AP1S3: variants seen among roughly 807,000 people sequenced by gnomAD.
AP1S3 encodes adaptor related protein complex 1 subunit sigma 3, also known as AP-1 complex subunit sigma-3.
In AP1S3, 10 loss-of-function variants were observed where a neutral mutation model predicts 20.9. The observed-to-expected ratio is 0.48, with a 90% CI of 0.29 to 0.81. AP1S3 has a LOEUF of 0.81. Ranked by LOEUF, AP1S3 falls within the 30% of genes least tolerant of loss-of-function variation. The pLI is 0.08. For synonymous variants in AP1S3, 41 were observed against 61.5 expected (o/e 0.67, Z 1.56); for missense variants, 154 against 183.8 (o/e 0.84, Z 0.94).
At chr2:223,792,248 C>T (rs1220976543) in intron 1 of AP1S3, among the ~76,000 whole-genome samples, 1 of 152,020 alleles carries the variant, frequency 6.6e-6, no homozygotes, top group Admixed American at 6.6e-5. Context: ...AACTATACTA[C>T]AAGGCTACTA....
intron 1 of AP1S3, among the ~76,000 whole-genome samples, chr2:223,827,904 C>CAA: frequency 6.6e-6 from 1 of 151,046 alleles, no homozygotes; most frequent in East Asian, 2.0e-4. Flanking sequence ...ACTTAAAATA[C>CAA]AAAAATTAGC....
At chr2:223,763,475 C>A (rs1163646043) in intron 4 of AP1S3, among the ~76,000 whole-genome samples, 1 of 147,924 alleles carries the variant, frequency 6.8e-6, no homozygotes, top group Non-Finnish European at 1.5e-5. Flanking sequence ...CAGTCAGGAC[C>A]CTGAGGTCCT....
chr2:223,814,683 T>C (rs1691805279), intron 1 of AP1S3, among the ~76,000 whole-genome samples: 2 of 152,200 alleles, frequency 1.3e-5, no homozygotes, highest in African/African-American at 2.4e-5. Context: ...TCAATCAAAA[T>C]GAGGTTTGCA....
intron 1 of AP1S3, among the ~76,000 whole-genome samples, chr2:223,783,844 T>C (rs1016385087): frequency 2.1e-4 from 32 of 152,346 alleles, no homozygotes; most frequent in African/African-American, 7.2e-4. Flanking sequence ...ACTCAGGCTG[T>C]GATTGGCCCA....
chr2:223,820,644 T>C (rs28398161), intron 1 of AP1S3, among the ~76,000 whole-genome samples: 46,135 of 145,226 alleles, frequency 0.32, 7,785 homozygotes, highest in Middle Eastern at 0.42. Context: ...TAGGAAATGA[T>C]GATTCAGTGA....
At chr2:223,821,005 C>A (rs1421818126) in intron 1 of AP1S3, among the ~76,000 whole-genome samples, 1 of 152,180 alleles carries the variant, frequency 6.6e-6, no homozygotes, top group South Asian at 2.1e-4. Context: ...TCCCTATACA[C>A]CGTGAGCCTC....
intron 1 of AP1S3, among the ~76,000 whole-genome samples, chr2:223,826,881 A>G (rs994843338): frequency 1.3e-5 from 2 of 152,012 alleles, no homozygotes; most frequent in South Asian, 2.1e-4. Context: ...TAAACTCAAC[A>G]CCCTGCATGG....
chr2:223,825,342 A>G (rs1574730569), intron 1 of AP1S3, among the ~76,000 whole-genome samples: 1 of 151,294 alleles, frequency 6.6e-6, no homozygotes, highest in East Asian at 1.9e-4. Context: ...ACAGTTCCTC[A>G]TGGTCGACCT....
Position 223,756,972 on chromosome 2 carries a change from C to T in AP1S3, c.*1743G>A. ...TAGCAGGCAGCAAGACAGAATACTA[C>T]AAGCTTTTACTTTTTCTTTTTTTTT... is the stretch of plus-strand genomic sequence containing the variant. On this transcript the variant is annotated 3_prime_UTR_variant, in exon 5 of 5. Coordinates refer to ENST00000396654, the MANE Select transcript of AP1S3 (RefSeq NM_001039569.2). The T allele has an allele frequency of 1.0e-6, 1 of 982,218 alleles. No homozygotes were observed. Among genetic ancestry groups the T allele is most frequent in the Non-Finnish European group, 1.2e-6 (1 of 827,538 alleles). The allele number at this position is 982,218 out of a possible 1,614,324, so 60.8% of individuals were successfully genotyped here.
At position 223,756,507 on chromosome 2, in the gene AP1S3, C is replaced by T; in HGVS notation, c.*2208G>A. On this transcript the variant is annotated 3_prime_UTR_variant, in exon 5 of 5. Coordinates refer to ENST00000396654, the MANE Select transcript of AP1S3 (RefSeq NM_001039569.2). Reference sequence around the variant, plus strand: ...GAAAAAAAGAAAGAAAAAATTCTAACACATTAAAAAGTTAAACCACAAAAC... The same window carrying T: ...GAAAAAAAGAAAGAAAAAATTCTAATACATTAAAAAGTTAAACCACAAAAC... 1.0e-6 allele frequency: 1 copy of T among 972,750 alleles called. No individual in the cohort carries two copies. The highest frequency in any genetic ancestry group is 1.2e-6 in the Non-Finnish European group (1 of 825,220). The allele number at this position is 972,750 out of a possible 1,614,324, so 60.3% of individuals were successfully genotyped here. A position where few individuals can be genotyped will look rare whatever the true frequency, so the allele number is the denominator to read the frequency against.
chr2:223,773,498 A>T, intron 3 of AP1S3: 1 of 831,490 alleles, frequency 1.2e-6, no homozygotes, highest in South Asian at 1.8e-5. Flanking sequence ...TACCAAGAGG[A>T]GAAAGAAAAG....
intron 1 of AP1S3, among the ~76,000 whole-genome samples, chr2:223,780,182 C>T (rs1240891287): frequency 1.3e-5 from 2 of 150,542 alleles, no homozygotes; most frequent in African/African-American, 2.5e-5. Context: ...AGTGCAGTGG[C>T]TCACTGCGGC....
intron 3 of AP1S3, among the ~76,000 whole-genome samples, chr2:223,768,120 T>C (rs1258511349): frequency 6.6e-6 from 1 of 152,206 alleles, no homozygotes; most frequent in African/African-American, 2.4e-5. Context: ...TAGGAATCTT[T>C]ACCAGCCTGG....
intron 1 of AP1S3, among the ~76,000 whole-genome samples, chr2:223,795,202 T>C (rs1394317796): frequency 6.6e-6 from 1 of 152,152 alleles, no homozygotes; most frequent in Non-Finnish European, 1.5e-5. Context: ...TGAGCCGAGA[T>C]TGAGGCACTG....
chr2:223,805,779 GCTTTATT>G (rs998552208), intron 1 of AP1S3, among the ~76,000 whole-genome samples: 1 of 151,970 alleles, frequency 6.6e-6, no homozygotes, highest in African/African-American at 2.4e-5. Flanking sequence ...TTTTCCTTTT[GCTTTATT>G]CTTTTTTACC....
chr2:223,827,593 C>T (rs961358284), intron 1 of AP1S3, among the ~76,000 whole-genome samples: 1 of 151,894 alleles, frequency 6.6e-6, no homozygotes, highest in Non-Finnish European at 1.5e-5. Context: ...ACCATGTTGG[C>T]CTGGCTGGTC....
In AP1S3 at chr2:223,758,711, C is replaced by G; in HGVS notation, c.*4G>C. ...AGTGCTGGAGTCTTCAAGTAGATTT[C>G]CAGTTAAAATGTAGGCTTGTTCATG... On this transcript the variant is annotated 3_prime_UTR_variant, in exon 5 of 5. Coordinates refer to ENST00000396654, the MANE Select transcript of AP1S3 (RefSeq NM_001039569.2). 1 of 1,607,894 alleles carries G rather than the reference C, an allele frequency of 6.2e-7. No individual in the cohort carries two copies. The highest frequency in any genetic ancestry group is 8.5e-7 in the Non-Finnish European group (1 of 1,177,432).
Position 223,828,437 on chromosome 2 carries a change from T to C in AP1S3, c.3+9011A>G, listed in dbSNP as rs187920694. Among the ~76,000 whole-genome samples, 11 of 151,878 alleles carry C rather than the reference T, an allele frequency of 7.2e-5. 1 individual carries two copies. The highest frequency in any genetic ancestry group is 2.7e-4 in the African/African-American group (11 of 41,446). ...TCAGCCTCCCGAGTAACCGGGGTTA[T>C]AGGCGTGCACCACCATGCCCAGCTA... On this transcript the variant is annotated intron_variant, in intron 1 of 4. Transcript: ENST00000396654.
At position 223,758,109 on chromosome 2, in the gene AP1S3, C is replaced by G. The variant is rs1478813550; in HGVS notation, c.*606G>C. The G allele has an allele frequency of 1.0e-6, 1 of 983,256 alleles. No individual in the cohort carries two copies. Among genetic ancestry groups the G allele is most frequent in the Non-Finnish European group, 1.2e-6 (1 of 828,504 alleles). 60.9% of individuals were successfully genotyped at this position (983,256 alleles called of 1,614,324 possible). A position where few individuals can be genotyped will look rare whatever the true frequency, so the allele number is the denominator to read the frequency against. Reference sequence around the variant, plus strand: ...AGGCATCAAAAACACTTATTAAGTTCTATACTCTTTGGTTATTTTCATAAT... The same window carrying G: ...AGGCATCAAAAACACTTATTAAGTTGTATACTCTTTGGTTATTTTCATAAT... On this transcript the variant is annotated 3_prime_UTR_variant, in exon 5 of 5. Transcript: ENST00000396654.
Sources: gnomAD v4.1 joint callset for allele counts (sites outside exome capture counted in the v4.1 genomes callset) on GRCh38, gnomAD v4.1.1 for gene constraint, MANE v1.5 for transcripts, NCBI Gene and HGNC (gene_info 2026-07-23, HGNC 2026-07-21) for gene names.